HK2: variants seen among roughly 807,000 people sequenced by gnomAD.
The protein encoded by HK2 is hexokinase-2.
Under a neutral mutation model 92.9 loss-of-function variants are expected in HK2, and 42 were observed. The ratio of observed to expected loss-of-function variants is 0.45; its 90% CI spans 0.35 to 0.58. HK2 has a LOEUF of 0.58. Among genes scored for constraint, HK2 ranks in the 20% least tolerant of loss-of-function variants. The pLI, the probability that HK2 is intolerant of heterozygous loss-of-function variation, is 0.00. For synonymous variants in HK2, 422 were observed against 468.0 expected (o/e 0.90, Z 1.27); for missense variants, 978 against 1,245.1 (o/e 0.79, Z 3.23).
chr2:74,864,820 A>G (rs1282395967), intron 2 of HK2, among the ~76,000 whole-genome samples: 3 of 152,192 alleles, frequency 2.0e-5, no homozygotes, highest in Non-Finnish European at 4.4e-5. Flanking sequence ...GTGTTTCTAT[A>G]TGTTCACATA....
intron 2 of HK2, among the ~76,000 whole-genome samples, chr2:74,857,726 G>C (rs1212180571): frequency 6.6e-6 from 1 of 152,162 alleles, no homozygotes; most frequent in African/African-American, 2.4e-5. Flanking sequence ...TTGTCAGTTG[G>C]GGGTATGAGT....
chr2:74,882,621 A>G (rs911150119), intron 12 of HK2, among the ~76,000 whole-genome samples: 3 of 138,412 alleles, frequency 2.2e-5, no homozygotes, highest in African/African-American at 5.3e-5. Flanking sequence ...ATATATATAT[A>G]GCATTTTTAA....
In HK2 at chr2:74,834,773, C is replaced by T. The variant is rs573768150; in HGVS notation, c.63+130C>T. ...GGCCTGGGAGCGGAAAAAGTTTGGG[C>T]AGCCGGGACACTCCTGGGCGCCAGG... On this transcript the variant is annotated intron_variant, in intron 1 of 17. Transcript: ENST00000290573. The surrounding 1 kb of genome is among the most constrained non-coding windows in gnomAD (Gnocchi z 4.2). 1.9e-4 allele frequency: 182 copies of T among 977,714 alleles called. 1 individual carries two copies. In the African/African-American group the frequency reaches 2.6e-3, roughly 14 times the overall value. The allele number at this position is 977,714 out of a possible 1,614,324, so 60.6% of individuals were successfully genotyped here.
At chr2:74,858,211 C>T (rs1382143456) in intron 2 of HK2, among the ~76,000 whole-genome samples, 2 of 152,162 alleles carry the variant, frequency 1.3e-5, no homozygotes, top group Non-Finnish European at 1.5e-5. Flanking sequence ...GGTTTGTCTT[C>T]TATTCTTTAA....
At chr2:74,889,589 A>G in intron 17 of HK2, 111 bp downstream of exon 17, 1 of 781,622 alleles carries the variant, frequency 1.3e-6, no homozygotes, top group South Asian at 1.5e-5. Flanking sequence ...GCCATTCCAA[A>G]TAGTGTATAT....
chr2:74,856,662 A>G (rs776565410), intron 2 of HK2, among the ~76,000 whole-genome samples: 19 of 152,228 alleles, frequency 1.2e-4, no homozygotes, highest in Non-Finnish European at 2.2e-4. Flanking sequence ...TTACTTTTCA[A>G]AAACCTTTAT....
chr2:74,834,736 C>T lies in HK2; in HGVS notation c.63+93C>T. ...CCTCGACCCTGCGGGGACCCGCTTC[C>T]TCCCTACTCCGGGCCTGGGAGCGGA... On this transcript the variant is annotated intron_variant, in intron 1 of 17. Transcript: ENST00000290573. The surrounding 1 kb of genome is among the most constrained non-coding windows in gnomAD (Gnocchi z 4.2). 7.0e-7 allele frequency: 1 copy of T among 1,421,496 alleles called. No homozygotes were observed. Among genetic ancestry groups the T allele is most frequent in the Non-Finnish European group, 9.9e-7 (1 of 1,006,588 alleles). 88.1% of individuals were successfully genotyped at this position (1,421,496 alleles called of 1,614,324 possible). A position where few individuals can be genotyped will look rare whatever the true frequency, so the allele number is the denominator to read the frequency against.
At chr2:74,840,833 C>A (rs986533782) in intron 1 of HK2, among the ~76,000 whole-genome samples, 1 of 136,154 alleles carries the variant, frequency 7.3e-6, no homozygotes, top group Non-Finnish European at 1.5e-5. Flanking sequence ...GAGCTGAGAT[C>A]GCACCAATGC....
chr2:74,847,375 T>G (rs755834957), intron 1 of HK2, among the ~76,000 whole-genome samples: 1 of 152,140 alleles, frequency 6.6e-6, no homozygotes, highest in Non-Finnish European at 1.5e-5. Context: ...ACTGGCGAGA[T>G]GATTACTGAA....
chr2:74,834,269 T>G lies in HK2; in HGVS notation c.-312T>G, dbSNP rs948780536. ...CTGCCCGAGTGGAGCCGGGCTGAGA[T>G]TCTTCTCAAGTTGAGCCTCAGTGAT... On this transcript the variant is annotated 5_prime_UTR_variant, in exon 1 of 18. Transcript: ENST00000290573. The surrounding 1 kb of genome is among the most constrained non-coding windows in gnomAD (Gnocchi z 4.2). 10 of 465,346 alleles carry G rather than the reference T, an allele frequency of 2.1e-5. No individual in the cohort carries two copies. Among genetic ancestry groups the G allele is most frequent in the African/African-American group, 4.0e-5 (2 of 50,280 alleles). 28.8% of individuals were successfully genotyped at this position (465,346 alleles called of 1,614,324 possible).
chr2:74,846,844 G>C (rs1397933377), intron 1 of HK2, among the ~76,000 whole-genome samples: 1 of 152,184 alleles, frequency 6.6e-6, no homozygotes, highest in Non-Finnish European at 1.5e-5. Flanking sequence ...TTGATTTAAA[G>C]CAGACGAAAG....
intron 8 of HK2, 107 bp downstream of exon 8, chr2:74,877,428 G>A: frequency 1.6e-6 from 2 of 1,274,252 alleles, no homozygotes; most frequent in Non-Finnish European, 2.3e-6. Context: ...AGTATAGACT[G>A]CAAGAGGGTC....
chr2:74,872,288 ATG>A lies in HK2; in HGVS notation c.376-10_376-9del. On this transcript the variant is annotated splice_polypyrimidine_tract_variant and intron_variant, in intron 3 of 17. Transcript: ENST00000290573. Reference sequence around the variant, plus strand: ...ACCTCTCTGCTCACCACCCTGTGTCATGTATCCTTAGCTGTTTGACCACATTG... The same window carrying A: ...ACCTCTCTGCTCACCACCCTGTGTCATATCCTTAGCTGTTTGACCACATTG... 6.2e-7 allele frequency: 1 copy of A among 1,613,746 alleles called. No individual in the cohort carries two copies. Among genetic ancestry groups the A allele is most frequent in the Non-Finnish European group, 8.5e-7 (1 of 1,179,778 alleles).
At chr2:74,878,653 GAC>G in intron 8 of HK2, 33 bp from the exon 9 acceptor site, 1 of 1,538,226 alleles carries the variant, frequency 6.5e-7, no homozygotes, top group South Asian at 1.2e-5. Flanking sequence ...CAGTGGGTCA[GAC>G]ACAGGCCCAC....
At chr2:74,855,437 T>TC (rs760718115) in intron 2 of HK2, among the ~76,000 whole-genome samples, 60 of 152,184 alleles carry the variant, frequency 3.9e-4, no homozygotes, top group Non-Finnish European at 7.8e-4. Flanking sequence ...TGGCGTGATC[T>TC]CCATTAGCCA....
intron 2 of HK2, among the ~76,000 whole-genome samples, chr2:74,864,994 C>G (rs1256480357): frequency 1.3e-5 from 2 of 152,194 alleles, no homozygotes; most frequent in Non-Finnish European, 2.9e-5. Flanking sequence ...GGCCTGCCTA[C>G]CTGTCTAAGG....
chr2:74,872,267 C>G (rs765989195), intron 3 of HK2, 33 bp from the exon 4 acceptor site: 1 of 1,613,278 alleles, frequency 6.2e-7, no homozygotes, highest in South Asian at 1.1e-5. Flanking sequence ...TGTTCGACCT[C>G]TCTGCTCACC....
intron 17 of HK2, among the ~76,000 whole-genome samples, chr2:74,889,857 T>G (rs1211946787): frequency 6.6e-6 from 1 of 152,250 alleles, no homozygotes; most frequent in Non-Finnish European, 1.5e-5. Context: ...GTGGCTGGCT[T>G]TTCTCACACA....
At chr2:74,839,320 AC>A (rs1688248771) in intron 1 of HK2, among the ~76,000 whole-genome samples, 2 of 152,180 alleles carry the variant, frequency 1.3e-5, no homozygotes, top group Admixed American at 1.3e-4. Flanking sequence ...TTGGACACCT[AC>A]CACGTGCCAT....
Sources: gnomAD v4.1 joint callset for allele counts (sites outside exome capture counted in the v4.1 genomes callset) on GRCh38, gnomAD v4.1.1 for gene constraint, Gnocchi (gnomAD v3.1) non-coding constraint, MANE v1.5 for transcripts, NCBI Gene and HGNC (gene_info 2026-07-23, HGNC 2026-07-21) for gene names.